STRN: variants seen among roughly 807,000 people sequenced by gnomAD.
STRN encodes the protein striatin.
STRN carries 53 observed loss-of-function variants against 96.3 expected under a neutral mutation model. That is an observed-to-expected ratio of 0.55 (90% CI 0.44 to 0.69). The LOEUF (loss-of-function observed/expected upper bound fraction) is 0.69, where lower values mean the gene tolerates loss of function less well. Among genes scored for constraint, STRN ranks in the 30% least tolerant of loss-of-function variants. The probability of loss-of-function intolerance (pLI) is 0.00; values close to 1 mark genes in which losing one functional copy is unlikely to be tolerated. For synonymous variants in STRN, 428 were observed against 355.9 expected, an observed-to-expected ratio of 1.20 and a Z score of -2.28; for missense variants, 987 against 963.9, an observed-to-expected ratio of 1.02 and a Z score of -0.32.
At chr2:36,909,234 C>G (rs1669904250) in intron 3 of STRN, among the ~76,000 whole-genome samples, 1 of 151,624 alleles carries the variant, frequency 6.6e-6, no homozygotes, top group African/African-American at 2.4e-5. Context: ...CTTACTCAGG[C>G]TAAGCTCGCA....
At chr2:36,897,585 G>A (rs1172732685) in intron 6 of STRN, among the ~76,000 whole-genome samples, 2 of 151,366 alleles carry the variant, frequency 1.3e-5, no homozygotes, top group Non-Finnish European at 2.9e-5. Flanking sequence ...ACAGGCACTC[G>A]CCACCATACC....
chr2:36,925,977 T>C (rs928834105), intron 1 of STRN, among the ~76,000 whole-genome samples: 1 of 152,214 alleles, frequency 6.6e-6, no homozygotes, highest in Non-Finnish European at 1.5e-5. Context: ...GACTTTATTT[T>C]GGACCTCCCC....
chr2:36,915,232 AATATATATATATATATATAT>A (rs72466696), intron 3 of STRN, among the ~76,000 whole-genome samples: 71 of 86,496 alleles, frequency 8.2e-4, no homozygotes, highest in African/African-American at 2.0e-3. Flanking sequence ...TGAATACATA[AATATATATATATATATATAT>A]ATATATATAT....
In STRN at chr2:36,952,449, GAAA is replaced by G. The variant is rs10557458; in HGVS notation, c.234+13778_234+13780del. Among the ~76,000 whole-genome samples, 733 of 76,908 alleles carry G rather than the reference GAAA, an allele frequency of 9.5e-3. 6 individuals are homozygous for G. Among genetic ancestry groups the G allele is most frequent in the Middle Eastern group, 0.032 (4 of 124 alleles). The allele number at this position is 76,908 out of a possible 152,430, so 50.5% of individuals were successfully genotyped here. ...TGCACAGTGACCCTGAAGCACGAGAGAAAAAAAAAAAAAAAAAAGCCAAAATAT... is the reference window on the plus strand; with the variant it reads ...TGCACAGTGACCCTGAAGCACGAGAGAAAAAAAAAAAAAAAGCCAAAATAT... On this transcript the variant is annotated intron_variant, in intron 1 of 17. Coordinates refer to ENST00000263918, the MANE Select transcript of STRN (RefSeq NM_003162.4).
chr2:36,942,842 C>G (rs1204413706), intron 1 of STRN, among the ~76,000 whole-genome samples: 1 of 151,930 alleles, frequency 6.6e-6, no homozygotes, highest in Non-Finnish European at 1.5e-5. Flanking sequence ...ATTACAGGCA[C>G]GCAACACCAC....
At chr2:36,950,218 T>G (rs1375358045) in intron 1 of STRN, among the ~76,000 whole-genome samples, 22 of 145,046 alleles carry the variant, frequency 1.5e-4, no homozygotes, top group South Asian at 1.4e-3. Flanking sequence ...GTTTTGTTTT[T>G]TTTTTTTTTT....
At position 36,854,819 on chromosome 2, in the gene STRN, CA is replaced by C. The variant is rs139317342; in HGVS notation, c.1978+392del. Among the ~76,000 whole-genome samples the C allele has an allele frequency of 1.1e-3, 160 of 152,264 alleles. 1 individual carries two copies. The East Asian group carries it at 0.025, about 24-fold the overall frequency. On this transcript the variant is annotated intron_variant, in intron 15 of 17. Coordinates refer to ENST00000263918, the MANE Select transcript of STRN (RefSeq NM_003162.4). ...AGGTTTGGAATTCTGAGTGCCACAACATGATCTGTATTGAGCTGTACCAAAT... is the reference window on the plus strand; with the variant it reads ...AGGTTTGGAATTCTGAGTGCCACAACTGATCTGTATTGAGCTGTACCAAAT...
chr2:36,868,283 A>G (rs1668679180), intron 11 of STRN, among the ~76,000 whole-genome samples: 1 of 152,240 alleles, frequency 6.6e-6, no homozygotes. Context: ...AAATAATCAC[A>G]GGATTAAATA....
chr2:36,923,456 A>AG (rs1335559261), intron 2 of STRN, among the ~76,000 whole-genome samples: 3 of 152,046 alleles, frequency 2.0e-5, no homozygotes, highest in East Asian at 1.9e-4. Flanking sequence ...AAAAAAAAAA[A>AG]AAAAAAAACA....
chr2:36,841,474 T>A lies in STRN; in HGVS notation c.*7982A>T, dbSNP rs1667949558. 1 of 151,700 alleles carries A rather than the reference T, an allele frequency of 6.6e-6. No homozygotes were observed. Among genetic ancestry groups the A allele is most frequent in the Non-Finnish European group, 1.5e-5 (1 of 68,014 alleles). 9.4% of individuals were successfully genotyped at this position (151,700 alleles called of 1,614,324 possible). A position where few individuals can be genotyped will look rare whatever the true frequency, so the allele number is the denominator to read the frequency against. ...GTTTTTCTTTTTCTAAAAATCACACTGAGTGATATTATTCTATCAAGAGGA... is the reference window on the plus strand; with the variant it reads ...GTTTTTCTTTTTCTAAAAATCACACAGAGTGATATTATTCTATCAAGAGGA... On this transcript the variant is annotated 3_prime_UTR_variant, in exon 18 of 18. Coordinates refer to ENST00000263918, the MANE Select transcript of STRN (RefSeq NM_003162.4).
intron 11 of STRN, 150 bp from the exon 12 acceptor site, chr2:36,868,011 A>G (rs972442392): frequency 8.7e-6 from 4 of 462,044 alleles, no homozygotes; most frequent in Non-Finnish European, 1.1e-5. Context: ...CTTAACACCA[A>G]TTATACTTTC....
intron 1 of STRN, among the ~76,000 whole-genome samples, chr2:36,957,843 C>T (rs1393020737): frequency 1.4e-5 from 2 of 142,984 alleles, no homozygotes; most frequent in Non-Finnish European, 3.0e-5. Flanking sequence ...CTCTGCCTCC[C>T]AGGTTCAGGT....
intron 8 of STRN, among the ~76,000 whole-genome samples, chr2:36,884,906 TAA>T (rs2148175608): frequency 6.6e-6 from 1 of 152,294 alleles, no homozygotes; most frequent in African/African-American, 2.4e-5. Context: ...ATTTTTATCC[TAA>T]GTCTTTACTT....
chr2:36,864,590 C>A (rs1221621527), intron 12 of STRN, among the ~76,000 whole-genome samples: 2 of 152,194 alleles, frequency 1.3e-5, no homozygotes, highest in African/African-American at 2.4e-5. Flanking sequence ...CATCTATGTT[C>A]ATCAAGGATA....
In STRN at chr2:36,848,608, G is replaced by A. The variant is rs1373355675; in HGVS notation, c.*848C>T. 1 of 152,110 alleles carries A rather than the reference G, an allele frequency of 6.6e-6. No individual in the cohort carries two copies. Among genetic ancestry groups the A allele is most frequent in the Admixed American group, 6.6e-5 (1 of 15,258 alleles). The allele number at this position is 152,110 out of a possible 1,614,324, so 9.4% of individuals were successfully genotyped here. A position where few individuals can be genotyped will look rare whatever the true frequency, so the allele number is the denominator to read the frequency against. The stretch of plus-strand genomic sequence containing the variant: ...GTACTATAAATGTCACATGAATAAA[G>A]TGAATTTTAAAATAGAAATTATTAA... On this transcript the variant is annotated 3_prime_UTR_variant, in exon 18 of 18. Coordinates refer to ENST00000263918, the MANE Select transcript of STRN (RefSeq NM_003162.4).
chr2:36,888,847 A>G (rs1182932608), intron 7 of STRN, among the ~76,000 whole-genome samples: 1 of 151,936 alleles, frequency 6.6e-6, no homozygotes, highest in Non-Finnish European at 1.5e-5. Context: ...TGCCCGGCTA[A>G]TTTTTAAAAA....
At chr2:36,921,428 T>C (rs1670252386) in intron 2 of STRN, among the ~76,000 whole-genome samples, 1 of 152,230 alleles carries the variant, frequency 6.6e-6, no homozygotes, top group South Asian at 2.1e-4. Flanking sequence ...TCCCCAATAC[T>C]TGTTCTATCA....
chr2:36,855,263 TA>T lies in STRN; in HGVS notation c.1926del (p.Phe642LeufsTer12). On this transcript the variant is annotated frameshift_variant, in exon 15 of 18. Coordinates refer to ENST00000263918, the MANE Select transcript of STRN (RefSeq NM_003162.4). LOFTEE classifies it high-confidence loss of function. ...ASFSKGYTSI[F>X]NMETQQRILT... ...AGAATGCGTTGTTGTGTTTCCATGT[TA>T]AAAATGCTTGTATATCCCTTGCTGA... 6.2e-7 allele frequency: 1 copy of T among 1,613,916 alleles called. No individual in the cohort carries two copies. The highest frequency in any genetic ancestry group is 8.5e-7 in the Non-Finnish European group (1 of 1,179,828).
intron 2 of STRN, among the ~76,000 whole-genome samples, chr2:36,921,933 A>G (rs1341205023): frequency 6.6e-6 from 1 of 152,222 alleles, no homozygotes; most frequent in Non-Finnish European, 1.5e-5. Context: ...AAAATGCTAT[A>G]AAGATCACTT....
Sources: gnomAD v4.1 joint callset for allele counts (sites outside exome capture counted in the v4.1 genomes callset) on GRCh38, gnomAD v4.1.1 for gene constraint, MANE v1.5 for transcripts, NCBI Gene and HGNC (gene_info 2026-07-23, HGNC 2026-07-21) for gene names.